Variants in FAM171A1 observed in about 807,000 individuals in gnomAD.
FAM171A1 encodes family with sequence similarity 171 member A1, also known as protein FAM171A1.
In FAM171A1, 23 loss-of-function variants were observed where a neutral mutation model predicts 74.9. That is an observed-to-expected ratio of 0.31 (90% CI 0.22 to 0.44). FAM171A1 has a LOEUF of 0.44. Ranked by LOEUF, FAM171A1 falls within the 20% of genes least tolerant of loss-of-function variation. The probability of loss-of-function intolerance (pLI) is 1.00; values close to 1 mark genes in which losing one functional copy is unlikely to be tolerated. For synonymous variants in FAM171A1, 527 were observed against 505.7 expected, an observed-to-expected ratio of 1.04 and a Z score of -0.57; for missense variants, 1,162 against 1,159.2, an observed-to-expected ratio of 1.00 and a Z score of -0.03.
intron 1 of FAM171A1, among the ~76,000 whole-genome samples, chr10:15,315,096 C>T (rs1332899331): frequency 6.6e-6 from 1 of 152,218 alleles, no homozygotes; most frequent in African/African-American, 2.4e-5. Context: ...TAAAGTCCAT[C>T]CATTTTAATG....
chr10:15,330,751 T>C (rs535427315), intron 1 of FAM171A1, among the ~76,000 whole-genome samples: 495 of 128,988 alleles, frequency 3.8e-3, no homozygotes, highest in African/African-American at 0.014. Context: ...GGAGCCTCAC[T>C]CTGTCACCCA....
intron 3 of FAM171A1, among the ~76,000 whole-genome samples, chr10:15,273,310 T>A (rs1170144381): frequency 6.6e-6 from 1 of 152,236 alleles, no homozygotes; most frequent in African/African-American, 2.4e-5. Flanking sequence ...GATAAATTCC[T>A]GGACACACAC....
At chr10:15,309,541 G>T (rs1236304513) in intron 1 of FAM171A1, among the ~76,000 whole-genome samples, 1 of 152,226 alleles carries the variant, frequency 6.6e-6, no homozygotes, top group East Asian at 1.9e-4. Context: ...CATATTTACT[G>T]AAATAACCAA....
chr10:15,331,352 C>G (rs182231617), intron 1 of FAM171A1, among the ~76,000 whole-genome samples: 120 of 152,244 alleles, frequency 7.9e-4, no homozygotes, highest in African/African-American at 2.5e-3. Context: ...TTAGAGGAGT[C>G]AGAAGTTGGA....
intron 1 of FAM171A1, among the ~76,000 whole-genome samples, chr10:15,358,966 A>G (rs922717504): frequency 6.6e-6 from 1 of 151,848 alleles, no homozygotes; most frequent in Non-Finnish European, 1.5e-5. Context: ...CAAATTTGGG[A>G]AAGTCGTTTA....
In FAM171A1 at chr10:15,307,356, G is replaced by A. The variant is rs980249225; in HGVS notation, c.98-23251C>T. 7.2e-5 allele frequency among the ~76,000 whole-genome samples: 11 copies of A among 152,148 alleles called. 1 individual carries two copies. The highest frequency in any genetic ancestry group is 2.2e-4 in the African/African-American group (9 of 41,496). On this transcript the variant is annotated intron_variant, in intron 1 of 7. Transcript: ENST00000378116. The stretch of plus-strand genomic sequence containing the variant: ...AAGATTCCATCTTAAAGTAGAAAGC[G>A]ACTTGAGGCCGGGTGCAGTGGCTCA...
intron 4 of FAM171A1, among the ~76,000 whole-genome samples, chr10:15,251,148 A>T (rs1007555523): frequency 7.9e-5 from 12 of 152,204 alleles, no homozygotes; most frequent in African/African-American, 2.9e-4. Context: ...TATGGAAATA[A>T]GTACACTCAG....
rs757860586 is a variant in FAM171A1, at chr10:15,248,788, G to A, written c.605C>T (p.Pro202Leu). The A allele has an allele frequency of 6.2e-7, 1 of 1,613,000 alleles. No homozygotes were observed. The highest frequency in any genetic ancestry group is 8.5e-7 in the Non-Finnish European group (1 of 1,179,416). Residue 202 changes from proline (P) to leucine (L), a missense_variant, in exon 5 of 8, where the codon CCA becomes CTA. Pro to Leu is a moderately conservative substitution (Grantham distance 98). Transcript: ENST00000378116. The stretch of plus-strand genomic sequence containing the variant: ...CAAGTGGACGCTGACGGCTGTGACT[G>A]GGGTCAGGTCATGCCTGGTGCTGTT... The part of the protein sequence containing the change: ...TGNSTRHDLT[P>L]VTAVSVHLLS...
chr10:15,250,157 C>G (rs907852080), intron 4 of FAM171A1, among the ~76,000 whole-genome samples: 1 of 152,138 alleles, frequency 6.6e-6, no homozygotes, highest in African/African-American at 2.4e-5. Context: ...CTAATGCCAC[C>G]CTACCTTTTA....
upstream of FAM171A1, among the ~76,000 whole-genome samples, chr10:15,372,574 T>A (rs1170201910): frequency 6.6e-6 from 1 of 151,708 alleles, no homozygotes; most frequent in Non-Finnish European, 1.5e-5. Flanking sequence ...GGCCCATGCC[T>A]GTGGTCCCAA....
At chr10:15,309,332 C>T (rs1420077658) in intron 1 of FAM171A1, among the ~76,000 whole-genome samples, 2 of 152,160 alleles carry the variant, frequency 1.3e-5, no homozygotes, top group African/African-American at 2.4e-5. Context: ...CTCAGCCTCC[C>T]GAGTAGCTGG....
At chr10:15,350,792 A>G (rs1274688139) in intron 1 of FAM171A1, among the ~76,000 whole-genome samples, 2 of 151,898 alleles carry the variant, frequency 1.3e-5, no homozygotes, top group African/African-American at 2.4e-5. Context: ...ACAGGTGTGT[A>G]CCACCACGCC....
chr10:15,276,206 G>A (rs958975417), intron 2 of FAM171A1, among the ~76,000 whole-genome samples: 4 of 150,346 alleles, frequency 2.7e-5, no homozygotes, highest in South Asian at 2.1e-4. Context: ...TTTCTGAGAC[G>A]GACTCTCGCT....
chr10:15,372,033 GACA>G, upstream of FAM171A1, among the ~76,000 whole-genome samples: 1 of 152,276 alleles, frequency 6.6e-6, no homozygotes, highest in Admixed American at 6.5e-5. Context: ...TTGAAAGTCA[GACA>G]TCCCCTGGCA....
Position 15,324,458 on chromosome 10 carries a change from G to C in FAM171A1, c.98-40353C>G, listed in dbSNP as rs115911842. On this transcript the variant is annotated intron_variant, in intron 1 of 7. Transcript: ENST00000378116. ...ATATTCTATCCCCATAACGTATCGTGAATATTCCAAATTTTTATCATCTTC... is the reference window on the plus strand; with the variant it reads ...ATATTCTATCCCCATAACGTATCGTCAATATTCCAAATTTTTATCATCTTC... 4.2e-3 allele frequency among the ~76,000 whole-genome samples: 643 copies of C among 152,274 alleles called. 2 individuals carry two copies. The highest frequency in any genetic ancestry group is 0.015 in the African/African-American group (605 of 41,532).
intron 1 of FAM171A1, among the ~76,000 whole-genome samples, chr10:15,363,873 G>A (rs557258427): frequency 3.3e-5 from 5 of 152,280 alleles, no homozygotes; most frequent in African/African-American, 9.6e-5. Context: ...AAGGCTTGTC[G>A]AGGTGTTTCC....
intron 1 of FAM171A1, among the ~76,000 whole-genome samples, chr10:15,297,993 A>G (rs755349512): frequency 6.6e-6 from 1 of 152,236 alleles, no homozygotes; most frequent in Non-Finnish European, 1.5e-5. Context: ...TGTACAACTT[A>G]CACATACAAC....
intron 3 of FAM171A1, among the ~76,000 whole-genome samples, chr10:15,273,601 G>C (rs886999922): frequency 3.9e-5 from 6 of 152,040 alleles, no homozygotes; most frequent in South Asian, 4.2e-4. Context: ...ACAAAAAAGA[G>C]AATTTTAGAC....
chr10:15,317,139 A>G (rs1385886154), intron 1 of FAM171A1, among the ~76,000 whole-genome samples: 1 of 152,174 alleles, frequency 6.6e-6, no homozygotes, highest in East Asian at 1.9e-4. Context: ...GGGAGGGGCC[A>G]CCAGACAAAG....
Sources: allele counts gnomAD v4.1 joint callset (sites outside exome capture counted in the v4.1 genomes callset), GRCh38; gene constraint gnomAD v4.1.1; transcripts MANE v1.5; gene names NCBI Gene and HGNC (gene_info 2026-07-23, HGNC 2026-07-21).